Variants in MAST4 observed in about 807,000 individuals in gnomAD.
MAST4 encodes microtubule associated serine/threonine kinase family member 4.
MAST4 carries 89 observed loss-of-function variants against 162.7 expected under a neutral mutation model. The ratio of observed to expected loss-of-function variants is 0.55; its 90% CI spans 0.46 to 0.65. The LOEUF (loss-of-function observed/expected upper bound fraction) is 0.65, where lower values mean the gene tolerates loss of function less well. Ranked by LOEUF, MAST4 falls within the 30% of genes least tolerant of loss-of-function variation. The pLI is 0.00. For synonymous variants in MAST4, 1,479 were observed against 1,361.1 expected (o/e 1.09, Z -1.91); for missense variants, 3,153 against 3,374.0 (o/e 0.93, Z 1.62).
At chr5:67,093,870 A>T (rs1764132018) in intron 6 of MAST4, among the ~76,000 whole-genome samples, 1 of 152,206 alleles carries the variant, frequency 6.6e-6, no homozygotes, top group Non-Finnish European at 1.5e-5. Context: ...TACTTTATCA[A>T]ATTGGAGGTG....
rs186498909 is a variant in MAST4 at position 66,935,958 on chromosome 5, G to A, written c.674+35976G>A. Among the ~76,000 whole-genome samples, 3 of 152,136 alleles carry A rather than the reference G, an allele frequency of 2.0e-5. No individual in the cohort carries two copies. The East Asian group carries it at 5.8e-4, about 29-fold the overall frequency. The stretch of plus-strand genomic sequence containing the variant: ...GCTGGGATTACAGGCATGAGCCATC[G>A]CACTCGGCGCCCAGTCTTTAATCCT... On this transcript the variant is annotated intron_variant, in intron 4 of 28. Transcript: ENST00000403625.
intron 5 of MAST4, among the ~76,000 whole-genome samples, chr5:67,055,942 A>C (rs1758752731): frequency 1.3e-5 from 2 of 151,736 alleles, no homozygotes; most frequent in East Asian, 3.9e-4. Context: ...TCACAAAAGA[A>C]TATTATGTAA....
At chr5:66,865,045 T>C (rs1380376236) in intron 3 of MAST4, among the ~76,000 whole-genome samples, 17 of 152,130 alleles carry the variant, frequency 1.1e-4, no homozygotes, top group Admixed American at 1.1e-3. Context: ...AGAGAAAAAC[T>C]GAGATCAAGG....
intron 4 of MAST4, among the ~76,000 whole-genome samples, chr5:66,934,146 A>T (rs1419206245): frequency 1.3e-5 from 2 of 152,176 alleles, no homozygotes; most frequent in African/African-American, 4.8e-5. Flanking sequence ...ATTAATGATG[A>T]TACTCTGCTG....
rs1356212780 is a variant in MAST4, at chr5:67,110,145, A to G, written c.1404A>G (p.Leu468=). 6.2e-7 allele frequency: 1 copy of G among 1,613,678 alleles called. No homozygotes were observed. The highest frequency in any genetic ancestry group is 2.2e-5 in the East Asian group (1 of 44,876). ...ESGELAFIKQ[L]VRKILIVIAR... Reference sequence around the variant, plus strand: ...GAGAATTGGCATTTATTAAACAACTAGTTCGAAAGATCCTAATTGTTATTG... The same window carrying G: ...GAGAATTGGCATTTATTAAACAACTGGTTCGAAAGATCCTAATTGTTATTG... Residue 468 remains leucine (L), a synonymous_variant, in exon 11 of 29, where the codon CTA becomes CTG. Coordinates refer to ENST00000403625, the MANE Select transcript of MAST4 (RefSeq NM_001164664.2).
chr5:67,095,168 G>A (rs1384827497), intron 6 of MAST4, among the ~76,000 whole-genome samples: 1 of 152,162 alleles, frequency 6.6e-6, no homozygotes, highest in Non-Finnish European at 1.5e-5. Context: ...AAGTGTTTCG[G>A]ATGCAAAGAA....
chr5:67,163,267 A>G lies in MAST4; in HGVS notation c.4088A>G (p.Tyr1363Cys), dbSNP rs1401248220. 2 of 1,613,306 alleles carry G rather than the reference A, an allele frequency of 1.2e-6. No individual in the cohort carries two copies. Among genetic ancestry groups the G allele is most frequent in the Non-Finnish European group, 8.5e-7 (1 of 1,179,878 alleles). The change falls in exon 29 of 29, where the codon TAC (tyrosine) becomes TGC (cysteine). Residue 1363 changes from tyrosine to cysteine, a missense_variant. Transcript: ENST00000403625. This position sits in a 1 kb window ranked among gnomAD's most constrained non-coding sequence, Gnocchi z 7.0. ...GLAPKLGGQR[Y>C]RSGRRKSAGN... ...GCACCCAAACTCGGCGGGCAGCGGTACCGGTCCGGAAGGCGAAAGTCCGCC... is the reference window on the plus strand; with the variant it reads ...GCACCCAAACTCGGCGGGCAGCGGTGCCGGTCCGGAAGGCGAAAGTCCGCC...
At chr5:67,000,535 C>T (rs1751161460) in intron 4 of MAST4, among the ~76,000 whole-genome samples, 1 of 152,048 alleles carries the variant, frequency 6.6e-6, no homozygotes, top group Non-Finnish European at 1.5e-5. Flanking sequence ...TACCTGCAGT[C>T]AGGAGTTCGA....
In MAST4 at chr5:67,055,009, G is replaced by GT. The variant is rs11366472; in HGVS notation, c.763+530dup. Among the ~76,000 whole-genome samples, 1,024 of 145,036 alleles carry GT rather than the reference G, an allele frequency of 7.1e-3. 5 individuals carry two copies. The highest frequency in any genetic ancestry group is 0.018 in the African/African-American group (717 of 40,006). On this transcript the variant is annotated intron_variant, in intron 5 of 28. Coordinates refer to ENST00000403625, the MANE Select transcript of MAST4 (RefSeq NM_001164664.2). ...ACAATGAAAACTGCTTTATATGCTG[G>GT]TTTTTTTTTTTTTCTTCAAAGTTCT...
chr5:67,142,740 C>G (rs148106848), intron 21 of MAST4: 3 of 455,880 alleles, frequency 6.6e-6, no homozygotes, highest in Admixed American at 3.9e-5. Context: ...TTTACCTTCT[C>G]TCTTTCCTGT....
intron 12 of MAST4, among the ~76,000 whole-genome samples, chr5:67,117,976 A>C (rs1767122848): frequency 6.6e-6 from 1 of 152,204 alleles, no homozygotes; most frequent in African/African-American, 2.4e-5. Flanking sequence ...ATAAATAATC[A>C]ACATTTAATG....
chr5:67,143,265 GA>G (rs149780933), intron 21 of MAST4, among the ~76,000 whole-genome samples: 14 of 79,490 alleles, frequency 1.8e-4, no homozygotes, highest in Non-Finnish European at 3.0e-4. Context: ...CCACAAAAAG[GA>G]AAAAAAAAGC....
At chr5:67,081,327 G>C (rs184214530) in intron 5 of MAST4, among the ~76,000 whole-genome samples, 91 of 151,370 alleles carry the variant, frequency 6.0e-4, no homozygotes, top group Non-Finnish European at 1.0e-3. Flanking sequence ...TAATTGACAT[G>C]GTATGATATA....
Position 66,597,032 on chromosome 5 carries a change from C to A in MAST4, c.363+14C>A. 1 of 1,416,536 alleles carries A rather than the reference C, an allele frequency of 7.1e-7. No individual in the cohort carries two copies. 87.7% of individuals were successfully genotyped at this position (1,416,536 alleles called of 1,614,324 possible). A position where few individuals can be genotyped will look rare whatever the true frequency, so the allele number is the denominator to read the frequency against. On this transcript the variant is annotated intron_variant, in intron 1 of 28. Transcript: ENST00000403625. ...CAGGACGAGGAGGTGGGCCTTTCCC[C>A]AGCTTGCCCACTCTGGGTTCCGGCA...
intron 1 of MAST4, among the ~76,000 whole-genome samples, chr5:66,753,502 A>G (rs1485205117): frequency 2.6e-5 from 4 of 151,894 alleles, no homozygotes; most frequent in Admixed American, 6.6e-5. Flanking sequence ...ACAAACTACC[A>G]TCAGAGAATA....
intron 1 of MAST4, among the ~76,000 whole-genome samples, chr5:66,688,553 T>G (rs901094736): frequency 2.0e-5 from 3 of 152,204 alleles, no homozygotes; most frequent in African/African-American, 7.2e-5. Context: ...GGTTGCTGTC[T>G]CTTTATACCT....
chr5:66,817,201 T>C (rs1756771058), intron 3 of MAST4, among the ~76,000 whole-genome samples: 2 of 152,234 alleles, frequency 1.3e-5, no homozygotes, highest in Admixed American at 1.3e-4. Flanking sequence ...GCCTGATTCA[T>C]AGTAGATATT....
chr5:67,093,290 G>A (rs1291205427), intron 6 of MAST4, among the ~76,000 whole-genome samples: 1 of 152,134 alleles, frequency 6.6e-6, no homozygotes, highest in Admixed American at 6.5e-5. Flanking sequence ...TTCAAAAAAG[G>A]CTTGTTGCAT....
chr5:66,797,460 T>C (rs528859805), intron 3 of MAST4, among the ~76,000 whole-genome samples: 1 of 152,302 alleles, frequency 6.6e-6, no homozygotes, highest in South Asian at 2.1e-4. Flanking sequence ...ACCTGAAGCT[T>C]CAGTCTACTC....
Sources: allele counts gnomAD v4.1 joint callset (sites outside exome capture counted in the v4.1 genomes callset), GRCh38; gene constraint gnomAD v4.1.1; non-coding constraint Gnocchi (gnomAD v3.1); transcripts MANE v1.5; gene names NCBI Gene and HGNC (gene_info 2026-07-23, HGNC 2026-07-21).